The following CDK14 variants were observed in gnomAD, a reference collection of about 807,000 sequenced individuals.
CDK14 encodes the protein cyclin dependent kinase 14, also known as cyclin-dependent kinase 14.
In CDK14, 34 loss-of-function variants were observed where a neutral mutation model predicts 60.7. That is an observed-to-expected ratio of 0.56 (90% CI 0.43 to 0.75). The LOEUF (loss-of-function observed/expected upper bound fraction) is 0.75, where lower values mean the gene tolerates loss of function less well. CDK14 is among the 30% of genes least tolerant of loss of function. CDK14 has a pLI of 0.00. For missense variants in CDK14, 482 were observed against 564.1 expected (o/e 0.85, Z 1.47); for synonymous variants, 197 against 203.7 (o/e 0.97, Z 0.28).
In CDK14 at chr7:91,103,844, A is replaced by AGAG. The variant is rs1562905796; in HGVS notation, c.1155-8698_1155-8697insGAG. On this transcript the variant is annotated intron_variant, in intron 12 of 14. Coordinates refer to ENST00000380050, the MANE Select transcript of CDK14 (RefSeq NM_001287135.2). The stretch of plus-strand genomic sequence containing the variant: ...GGAGACCGAGAGAGAGAGAGAGAGA[A>AGAG]AGAGAGAGAGAGAGAGAGAGAGAGT... Among the ~76,000 whole-genome samples, 868 of 144,842 alleles carry AGAG rather than the reference A, an allele frequency of 6.0e-3. 12 individuals are homozygous for AGAG. The highest frequency in any genetic ancestry group is 0.028 in the South Asian group (127 of 4,586).
intron 12 of CDK14, among the ~76,000 whole-genome samples, chr7:91,081,603 C>T (rs1259600460): frequency 6.6e-6 from 1 of 152,038 alleles, no homozygotes; most frequent in African/African-American, 2.4e-5. Context: ...GTTAACCTGC[C>T]TAAGAGAGTA....
At chr7:90,913,972 A>C (rs1286124212) in intron 7 of CDK14, among the ~76,000 whole-genome samples, 1 of 152,158 alleles carries the variant, frequency 6.6e-6, no homozygotes, top group Admixed American at 6.5e-5. Context: ...TGAGGGTATC[A>C]GTTTCTTTGA....
chr7:91,172,561 G>T (rs949124567), intron 14 of CDK14, among the ~76,000 whole-genome samples: 10 of 152,238 alleles, frequency 6.6e-5, no homozygotes, highest in East Asian at 1.9e-4. Context: ...AAATGTTCCA[G>T]TGGGTCCCAT....
At chr7:91,027,432 G>A (rs1796604778) in intron 10 of CDK14, among the ~76,000 whole-genome samples, 1 of 152,126 alleles carries the variant, frequency 6.6e-6, no homozygotes, top group African/African-American at 2.4e-5. Flanking sequence ...TTCAGGACTT[G>A]CTTGGCAGCC....
At chr7:91,082,438 T>C (rs921604924) in intron 12 of CDK14, among the ~76,000 whole-genome samples, 3 of 152,148 alleles carry the variant, frequency 2.0e-5, no homozygotes, top group Admixed American at 2.0e-4. Flanking sequence ...CCCACACATG[T>C]TATGGTTCTG....
chr7:90,705,876 C>G (rs1325010288), intron 2 of CDK14, among the ~76,000 whole-genome samples: 2 of 151,958 alleles, frequency 1.3e-5, no homozygotes, highest in Non-Finnish European at 2.9e-5. Flanking sequence ...CCGAGGGCTG[C>G]TGCTGATGTT....
At chr7:90,826,563 C>T (rs981182768) in intron 5 of CDK14, among the ~76,000 whole-genome samples, 3 of 152,066 alleles carry the variant, frequency 2.0e-5, no homozygotes, top group African/African-American at 7.3e-5. Flanking sequence ...CACTGTTGGC[C>T]ATCTCTGTGG....
At chr7:90,750,568 T>G (rs578174113) in intron 4 of CDK14, among the ~76,000 whole-genome samples, 2 of 152,190 alleles carry the variant, frequency 1.3e-5, no homozygotes, top group Non-Finnish European at 2.9e-5. Flanking sequence ...AAAAGCTCAC[T>G]TAAGGAATTT....
chr7:91,054,248 G>A (rs943459638), intron 11 of CDK14, among the ~76,000 whole-genome samples: 2 of 152,026 alleles, frequency 1.3e-5, no homozygotes, highest in African/African-American at 4.8e-5. Context: ...TGTATGGGCT[G>A]TAACTATGTG....
chr7:90,919,735 T>C (rs967281360), intron 8 of CDK14, among the ~76,000 whole-genome samples: 20 of 152,240 alleles, frequency 1.3e-4, no homozygotes, highest in Non-Finnish European at 4.4e-5. Flanking sequence ...ACGGCTTAGA[T>C]TTTTTTCATT....
intron 10 of CDK14, among the ~76,000 whole-genome samples, chr7:91,001,895 G>C (rs1795846412): frequency 6.6e-6 from 1 of 152,166 alleles, no homozygotes; most frequent in Non-Finnish European, 1.5e-5. Flanking sequence ...CAATGTAAGT[G>C]ATACAACTTA....
At chr7:90,918,120 C>T (rs1793135704) in intron 8 of CDK14, among the ~76,000 whole-genome samples, 1 of 152,122 alleles carries the variant, frequency 6.6e-6, no homozygotes, top group African/African-American at 2.4e-5. Context: ...TACTCATCAA[C>T]CAGCTTCAAC....
chr7:91,123,374 T>C (rs1799841549), intron 14 of CDK14, among the ~76,000 whole-genome samples: 1 of 152,138 alleles, frequency 6.6e-6, no homozygotes. Context: ...TCTCATGTAA[T>C]TGACAACAAT....
chr7:90,761,849 ACT>A lies in CDK14; in HGVS notation c.464+14079_464+14080del, dbSNP rs199577441. ...GTGCATTCCTTTTGAGGTTGTAGTA[ACT>A]CTCTACTGTGTTCTGTGGGCTGAGT... is the stretch of plus-strand genomic sequence containing the variant. On this transcript the variant is annotated intron_variant, in intron 4 of 14. Coordinates refer to ENST00000380050, the MANE Select transcript of CDK14 (RefSeq NM_001287135.2). Among the ~76,000 whole-genome samples, 995 of 152,176 alleles carry A rather than the reference ACT, an allele frequency of 6.5e-3. 4 individuals carry two copies. The highest frequency in any genetic ancestry group is 0.011 in the Non-Finnish European group (735 of 67,994).
At chr7:91,053,956 A>G (rs1391442591) in intron 11 of CDK14, among the ~76,000 whole-genome samples, 2 of 152,164 alleles carry the variant, frequency 1.3e-5, no homozygotes, top group Non-Finnish European at 2.9e-5. Context: ...AAATTAAATG[A>G]GATAAACTAT....
intron 2 of CDK14, among the ~76,000 whole-genome samples, chr7:90,669,994 CT>C (rs1801064872): frequency 6.6e-6 from 1 of 152,150 alleles, no homozygotes; most frequent in Non-Finnish European, 1.5e-5. Context: ...TTTGCATTTA[CT>C]TTGTTTTTCT....
intron 8 of CDK14, among the ~76,000 whole-genome samples, chr7:90,942,052 C>A (rs1793952248): frequency 6.6e-6 from 1 of 152,258 alleles, no homozygotes; most frequent in South Asian, 2.1e-4. Flanking sequence ...TGGGGATGGG[C>A]AGGGCAGAGC....
chr7:90,681,129 G>A (rs1033609045), intron 2 of CDK14, among the ~76,000 whole-genome samples: 1 of 152,082 alleles, frequency 6.6e-6, no homozygotes, highest in African/African-American at 2.4e-5. Flanking sequence ...GCATATTTCT[G>A]TTTTTTATGA....
intron 11 of CDK14, among the ~76,000 whole-genome samples, chr7:91,054,007 A>G (rs1452547163): frequency 1.3e-5 from 2 of 150,046 alleles, no homozygotes; most frequent in Non-Finnish European, 2.9e-5. Context: ...TACTCTACCT[A>G]TTTTTAAGCA....
Sources: allele counts gnomAD v4.1 joint callset (sites outside exome capture counted in the v4.1 genomes callset), GRCh38; gene constraint gnomAD v4.1.1; transcripts MANE v1.5; gene names NCBI Gene and HGNC (gene_info 2026-07-23, HGNC 2026-07-21).